Variants in EPHA5 observed in about 807,000 individuals in gnomAD.
The protein encoded by EPHA5 is EPH receptor A5, also known as ephrin type-A receptor 5.
EPHA5 carries 60 observed loss-of-function variants against 105.0 expected under a neutral mutation model. The ratio of observed to expected loss-of-function variants is 0.57; its 90% CI spans 0.46 to 0.71. EPHA5 has a LOEUF of 0.71. Ranked by LOEUF, EPHA5 falls within the 30% of genes least tolerant of loss-of-function variation. The pLI, the probability that EPHA5 is intolerant of heterozygous loss-of-function variation, is 0.00. For missense variants in EPHA5, 1,218 were observed against 1,274.7 expected, an observed-to-expected ratio of 0.96 and a Z score of 0.68; for synonymous variants, 513 against 449.1, an observed-to-expected ratio of 1.14 and a Z score of -1.80.
chr4:65,463,776 G>A (rs1487386122), intron 5 of EPHA5, among the ~76,000 whole-genome samples: 1 of 151,952 alleles, frequency 6.6e-6, no homozygotes, highest in Non-Finnish European at 1.5e-5. Flanking sequence ...CTCTTGCCAT[G>A]ACTGGGAATA....
chr4:65,403,813 C>T (rs1188225704), intron 8 of EPHA5, among the ~76,000 whole-genome samples: 1 of 151,966 alleles, frequency 6.6e-6, no homozygotes. Context: ...CACTTCAAAT[C>T]AGTATATATC....
intron 3 of EPHA5, among the ~76,000 whole-genome samples, chr4:65,589,935 T>C (rs540069831): frequency 1.3e-5 from 2 of 152,306 alleles, no homozygotes; most frequent in African/African-American, 4.8e-5. Flanking sequence ...CATTTTTTAT[T>C]TTATTTTAGA....
chr4:65,661,534 A>G (rs1352064988), intron 1 of EPHA5, among the ~76,000 whole-genome samples: 1 of 152,172 alleles, frequency 6.6e-6, no homozygotes, highest in African/African-American at 2.4e-5. Context: ...GACACCCAGT[A>G]TGGCATTACT....
intron 2 of EPHA5, among the ~76,000 whole-genome samples, chr4:65,604,505 G>A (rs1038720412): frequency 3.3e-5 from 5 of 152,106 alleles, no homozygotes; most frequent in African/African-American, 1.2e-4. Flanking sequence ...CAAATAGAAT[G>A]AGTTTAATTT....
At chr4:65,537,629 A>G (rs1300983129) in intron 3 of EPHA5, among the ~76,000 whole-genome samples, 1 of 151,792 alleles carries the variant, frequency 6.6e-6, no homozygotes, top group Non-Finnish European at 1.5e-5. Flanking sequence ...TAAGGCCACA[A>G]AAGTGATTTT....
intron 14 of EPHA5, among the ~76,000 whole-genome samples, chr4:65,337,340 C>T (rs1402574563): frequency 6.6e-6 from 1 of 152,080 alleles, no homozygotes; most frequent in African/African-American, 2.4e-5. Context: ...GCTGTAATTT[C>T]GTATCCCTTA....
At chr4:65,567,588 T>C (rs1297029473) in intron 3 of EPHA5, among the ~76,000 whole-genome samples, 1 of 151,578 alleles carries the variant, frequency 6.6e-6, no homozygotes, top group African/African-American at 2.4e-5. Flanking sequence ...ATTGAAAATG[T>C]AATGGAATAA....
At chr4:65,509,825 A>C (rs1733423075) in intron 3 of EPHA5, among the ~76,000 whole-genome samples, 1 of 152,260 alleles carries the variant, frequency 6.6e-6, no homozygotes, top group East Asian at 1.9e-4. Context: ...TCATTAGCAT[A>C]ATCATCAGAT....
intron 14 of EPHA5, among the ~76,000 whole-genome samples, chr4:65,345,414 G>C (rs1228185054): frequency 2.0e-5 from 3 of 152,218 alleles, no homozygotes; most frequent in Non-Finnish European, 2.9e-5. Flanking sequence ...GTGTGACCCT[G>C]GCTTTTCTTC....
At chr4:65,376,928 A>G (rs1297317016) in intron 8 of EPHA5, 2 of 1,367,582 alleles carry the variant, frequency 1.5e-6, no homozygotes, top group East Asian at 2.5e-5. Flanking sequence ...ATGGAGAAAG[A>G]AAAGGAATGC....
chr4:65,484,634 G>A (rs1730701865), intron 5 of EPHA5, among the ~76,000 whole-genome samples: 1 of 152,024 alleles, frequency 6.6e-6, no homozygotes, highest in Non-Finnish European at 1.5e-5. Context: ...CTGTACCTTG[G>A]CATGTTAATT....
intron 2 of EPHA5, among the ~76,000 whole-genome samples, chr4:65,622,715 T>A (rs146144699): frequency 2.6e-5 from 4 of 152,210 alleles, no homozygotes; most frequent in African/African-American, 9.6e-5. Context: ...GAATTTTGTT[T>A]TTAAATCAAT....
intron 14 of EPHA5, among the ~76,000 whole-genome samples, chr4:65,345,353 G>T (rs917956809): frequency 6.6e-6 from 1 of 152,226 alleles, no homozygotes; most frequent in East Asian, 1.9e-4. Context: ...ACTCCAATTT[G>T]CTGTTTCGAT....
chr4:65,493,645 A>T (rs1270049387), intron 4 of EPHA5, among the ~76,000 whole-genome samples: 1 of 152,148 alleles, frequency 6.6e-6, no homozygotes, highest in South Asian at 2.1e-4. Context: ...ATTAGTGCTC[A>T]TTTGACAACA....
At chr4:65,440,592 A>T (rs1356905825) in intron 5 of EPHA5, among the ~76,000 whole-genome samples, 1 of 151,890 alleles carries the variant, frequency 6.6e-6, no homozygotes. Flanking sequence ...CGATTACTTC[A>T]TAGTAAAAAA....
chr4:65,574,731 C>CATATATAT (rs201831887), intron 3 of EPHA5, among the ~76,000 whole-genome samples: 1 of 85,600 alleles, frequency 1.2e-5, no homozygotes, highest in African/African-American at 5.8e-5. Flanking sequence ...CATATATATA[C>CATATATAT]ATATATATAT....
intron 5 of EPHA5, among the ~76,000 whole-genome samples, chr4:65,465,494 A>G (rs183872207): frequency 8.6e-6 from 1 of 116,300 alleles, no homozygotes; most frequent in South Asian, 2.7e-4. Flanking sequence ...AAAGAAAGAA[A>G]GAAAGAAAGA....
At chr4:65,376,802 C>T (rs1252363132) in intron 8 of EPHA5, among the ~76,000 whole-genome samples, 5 of 151,940 alleles carry the variant, frequency 3.3e-5, no homozygotes, top group Non-Finnish European at 5.9e-5. Flanking sequence ...CGTATGAATG[C>T]TTGACATAGG....
chr4:65,610,736 C>T (rs1744687782), intron 2 of EPHA5, among the ~76,000 whole-genome samples: 2 of 151,788 alleles, frequency 1.3e-5, no homozygotes, highest in African/African-American at 4.8e-5. Flanking sequence ...AAAAAGCAAC[C>T]CTATTGTATA....
Sources: allele counts gnomAD v4.1 joint callset (sites outside exome capture counted in the v4.1 genomes callset), GRCh38; gene constraint gnomAD v4.1.1; transcripts MANE v1.5; gene names NCBI Gene and HGNC (gene_info 2026-07-23, HGNC 2026-07-21).